DENND1A: variants seen among roughly 807,000 people sequenced by gnomAD.
The protein encoded by DENND1A is DENN domain containing 1A.
DENND1A carries 51 observed loss-of-function variants against 113.7 expected under a neutral mutation model. That is an observed-to-expected ratio of 0.45 (90% CI 0.36 to 0.57). The LOEUF (loss-of-function observed/expected upper bound fraction) is 0.57, where lower values mean the gene tolerates loss of function less well. Ranked by LOEUF, DENND1A falls within the 20% of genes least tolerant of loss-of-function variation. The pLI is 0.00. For synonymous variants in DENND1A, 565 were observed against 570.8 expected (o/e 0.99, Z 0.14); for missense variants, 1,258 against 1,395.9 (o/e 0.90, Z 1.57).
intron 2 of DENND1A, among the ~76,000 whole-genome samples, chr9:123,835,217 A>G (rs1840877220): frequency 6.6e-6 from 1 of 152,202 alleles, no homozygotes; most frequent in Non-Finnish European, 1.5e-5. Flanking sequence ...GCAAACGTGA[A>G]AAAGGAATCC....
intron 2 of DENND1A, among the ~76,000 whole-genome samples, chr9:123,814,511 G>C (rs1837147415): frequency 6.6e-6 from 1 of 152,022 alleles, no homozygotes; most frequent in Non-Finnish European, 1.5e-5. Context: ...GTACTCTTTG[G>C]TTCAAAAAAT....
At chr9:123,530,693 T>C (rs964699258) in intron 13 of DENND1A, among the ~76,000 whole-genome samples, 2 of 152,310 alleles carry the variant, frequency 1.3e-5, no homozygotes, top group Admixed American at 6.5e-5. Flanking sequence ...TAAAGCACAG[T>C]AGTCCCCTCT....
intron 16 of DENND1A, among the ~76,000 whole-genome samples, chr9:123,453,272 G>T (rs2047871524): frequency 6.6e-6 from 1 of 152,186 alleles, no homozygotes; most frequent in African/African-American, 2.4e-5. Context: ...CACAGGGAGC[G>T]TGGAGACTTG....
intron 5 of DENND1A, among the ~76,000 whole-genome samples, chr9:123,746,095 T>C (rs1237660554): frequency 6.6e-6 from 1 of 152,224 alleles, no homozygotes; most frequent in African/African-American, 2.4e-5. Context: ...GTATTTGCTG[T>C]ATATTTATGT....
chr9:123,649,282 A>G (rs1394793609), intron 9 of DENND1A, among the ~76,000 whole-genome samples: 1 of 152,180 alleles, frequency 6.6e-6, no homozygotes, highest in Non-Finnish European at 1.5e-5. Flanking sequence ...TTCCCATTTA[A>G]TATGTCAATA....
intron 3 of DENND1A, among the ~76,000 whole-genome samples, chr9:123,773,846 T>A (rs1311644223): frequency 6.6e-6 from 1 of 152,128 alleles, no homozygotes; most frequent in Non-Finnish European, 1.5e-5. Flanking sequence ...ATATTTGCAA[T>A]AGTTCAAAGG....
intron 19 of DENND1A, among the ~76,000 whole-genome samples, chr9:123,424,649 G>C (rs1351816946): frequency 2.0e-5 from 3 of 152,192 alleles, no homozygotes; most frequent in East Asian, 3.8e-4. Flanking sequence ...CCCCCACCTG[G>C]GGTGGGGAGA....
chr9:123,814,469 AAAC>A (rs548845850), intron 2 of DENND1A, among the ~76,000 whole-genome samples: 9 of 152,188 alleles, frequency 5.9e-5, no homozygotes, highest in Non-Finnish European at 1.0e-4. Context: ...ATATACTTAA[AAAC>A]AAACTCAATG....
intron 21 of DENND1A, among the ~76,000 whole-genome samples, chr9:123,391,948 C>T (rs183990728): frequency 9.2e-5 from 14 of 152,162 alleles, no homozygotes; most frequent in East Asian, 2.0e-4. Flanking sequence ...AAAGGCTGGC[C>T]GTCCGTCATG....
chr9:123,412,229 C>A (rs1206677050), intron 19 of DENND1A, among the ~76,000 whole-genome samples: 1 of 152,202 alleles, frequency 6.6e-6, no homozygotes, highest in African/African-American at 2.4e-5. Flanking sequence ...CTCCACTGTG[C>A]CCCACACAGA....
chr9:123,503,557 CT>C (rs2052670500), intron 13 of DENND1A, among the ~76,000 whole-genome samples: 1 of 152,196 alleles, frequency 6.6e-6, no homozygotes, highest in Admixed American at 6.5e-5. Context: ...GCTCATCGGA[CT>C]CACGTAAAAC....
At chr9:123,595,702 G>A (rs551399485) in intron 11 of DENND1A, among the ~76,000 whole-genome samples, 2 of 152,152 alleles carry the variant, frequency 1.3e-5, no homozygotes, top group African/African-American at 2.4e-5. Context: ...GCTGTGAGCC[G>A]AGGTCATGCT....
intron 9 of DENND1A, among the ~76,000 whole-genome samples, chr9:123,636,545 G>A (rs541046679): frequency 5.7e-4 from 86 of 152,084 alleles, no homozygotes; most frequent in Non-Finnish European, 1.0e-4. Flanking sequence ...TCGAACTCCC[G>A]AGCTCAGGTG....
chr9:123,533,926 T>C (rs1031598565), intron 13 of DENND1A, among the ~76,000 whole-genome samples: 1 of 152,324 alleles, frequency 6.6e-6, no homozygotes, highest in Admixed American at 6.5e-5. Flanking sequence ...CTTGGAAAGT[T>C]TGAAATGTGT....
At chr9:123,874,469 C>T (rs973875519) in intron 2 of DENND1A, among the ~76,000 whole-genome samples, 11 of 152,008 alleles carry the variant, frequency 7.2e-5, no homozygotes, top group Admixed American at 5.2e-4. Context: ...AAGATATTCA[C>T]GAGGCCAATA....
At chr9:123,878,201 C>A (rs1172551615) in intron 2 of DENND1A, among the ~76,000 whole-genome samples, 3 of 125,696 alleles carry the variant, frequency 2.4e-5, no homozygotes, top group Non-Finnish European at 4.6e-5. Context: ...AAAACTCCAT[C>A]TCAAAAAAAA....
At chr9:123,625,852 T>C (rs1285940339) in intron 10 of DENND1A, among the ~76,000 whole-genome samples, 1 of 152,212 alleles carries the variant, frequency 6.6e-6, no homozygotes, top group Non-Finnish European at 1.5e-5. Context: ...GCCCCGGGTA[T>C]TCCTCCCTGA....
intron 19 of DENND1A, among the ~76,000 whole-genome samples, chr9:123,421,977 C>A (rs1254959698): frequency 6.6e-6 from 1 of 152,176 alleles, no homozygotes; most frequent in Admixed American, 6.5e-5. Context: ...GTCCTATAAG[C>A]CCTTCCCTCA....
At chr9:123,664,203 A>C (rs1399332047) in intron 8 of DENND1A, among the ~76,000 whole-genome samples, 7 of 152,192 alleles carry the variant, frequency 4.6e-5, no homozygotes, top group African/African-American at 1.7e-4. Context: ...TGTTCCTGAA[A>C]CACCTTAACC....
Sources: gnomAD v4.1 joint callset for allele counts (sites outside exome capture counted in the v4.1 genomes callset) on GRCh38, gnomAD v4.1.1 for gene constraint, MANE v1.5 for transcripts, NCBI Gene and HGNC (gene_info 2026-07-23, HGNC 2026-07-21) for gene names.